Variants in BICC1 observed in about 807,000 individuals in gnomAD.
The protein encoded by BICC1 is BicC family RNA binding protein 1.
A neutral mutation model predicts 111.0 loss-of-function variants in BICC1; 43 were observed. That is an observed-to-expected ratio of 0.39 (90% CI 0.30 to 0.50). The LOEUF (loss-of-function observed/expected upper bound fraction) is 0.50. Ranked by LOEUF, BICC1 falls within the 20% of genes least tolerant of loss-of-function variation. The pLI is 0.88. For synonymous variants in BICC1, 467 were observed against 434.4 expected, an observed-to-expected ratio of 1.07 and a Z score of -0.93; for missense variants, 1,091 against 1,203.2, an observed-to-expected ratio of 0.91 and a Z score of 1.38.
At chr10:58,631,736 C>G (rs915986320) in intron 2 of BICC1, among the ~76,000 whole-genome samples, 2 of 152,140 alleles carry the variant, frequency 1.3e-5, no homozygotes, top group African/African-American at 2.4e-5. Flanking sequence ...GAGTTCATCA[C>G]TAATTTTATG....
intron 3 of BICC1, among the ~76,000 whole-genome samples, chr10:58,763,116 A>G (rs1473638127): frequency 6.6e-6 from 1 of 152,206 alleles, no homozygotes; most frequent in Non-Finnish European, 1.5e-5. Context: ...TAATTCTCAG[A>G]TGTAGTTCTG....
At chr10:58,605,904 A>G (rs1215627439) in intron 1 of BICC1, among the ~76,000 whole-genome samples, 1 of 152,034 alleles carries the variant, frequency 6.6e-6, no homozygotes, top group East Asian at 1.9e-4. Context: ...TTTTTGTCAG[A>G]ATTTTGTTTT....
intron 19 of BICC1, among the ~76,000 whole-genome samples, chr10:58,819,873 G>T (rs1844204575): frequency 6.6e-6 from 1 of 152,096 alleles, no homozygotes; most frequent in Non-Finnish European, 1.5e-5. Context: ...TACTTCTTTT[G>T]TGTCCCTTTC....
At chr10:58,665,425 G>T (rs1838977866) in intron 2 of BICC1, among the ~76,000 whole-genome samples, 1 of 151,980 alleles carries the variant, frequency 6.6e-6, no homozygotes, top group Non-Finnish European at 1.5e-5. Flanking sequence ...ATCTTTGGTG[G>T]TTTGATTGTA....
intron 2 of BICC1, among the ~76,000 whole-genome samples, chr10:58,683,619 G>A (rs534391091): frequency 1.3e-5 from 2 of 152,198 alleles, no homozygotes; most frequent in African/African-American, 2.4e-5. Context: ...TGGATTCCTA[G>A]GTATTTTATT....
chr10:58,514,415 AC>A (rs1842185987), intron 1 of BICC1, among the ~76,000 whole-genome samples: 1 of 152,184 alleles, frequency 6.6e-6, no homozygotes, highest in African/African-American at 2.4e-5. Context: ...TGCATAACTT[AC>A]TTTGACTTTA....
At chr10:58,772,519 G>C (rs1337421755) in intron 3 of BICC1, among the ~76,000 whole-genome samples, 1 of 152,130 alleles carries the variant, frequency 6.6e-6, no homozygotes, top group Non-Finnish European at 1.5e-5. Flanking sequence ...ATAAATACCA[G>C]CTTGTAGTAA....
intron 3 of BICC1, among the ~76,000 whole-genome samples, chr10:58,717,864 A>G (rs1452910696): frequency 6.6e-6 from 1 of 152,214 alleles, no homozygotes; most frequent in Non-Finnish European, 1.5e-5. Context: ...GATTCTGGAA[A>G]GAGAAACAAT....
intron 2 of BICC1, among the ~76,000 whole-genome samples, chr10:58,669,219 A>G (rs1839108059): frequency 1.3e-5 from 2 of 152,026 alleles, no homozygotes; most frequent in Non-Finnish European, 2.9e-5. Flanking sequence ...AAATGCTCCA[A>G]TGAGCATTTC....
rs548302009 is a variant in BICC1, at chr10:58,609,106, C to G, written c.191-11749C>G. Reference sequence around the variant, plus strand: ...ATACAAAAGAAATATAAACTTCATTCCATTAAATAACCATCCACATAAACT... The same window carrying G: ...ATACAAAAGAAATATAAACTTCATTGCATTAAATAACCATCCACATAAACT... On this transcript the variant is annotated intron_variant, in intron 1 of 20. Coordinates refer to ENST00000373886, the MANE Select transcript of BICC1 (RefSeq NM_001080512.3). Among the ~76,000 whole-genome samples the G allele has an allele frequency of 5.9e-5, 9 of 152,316 alleles. No homozygotes were observed. The South Asian group carries it at 1.9e-3, about 32-fold the overall frequency.
At chr10:58,560,620 C>G (rs541543461) in intron 1 of BICC1, among the ~76,000 whole-genome samples, 13 of 148,964 alleles carry the variant, frequency 8.7e-5, no homozygotes, top group African/African-American at 3.0e-4. Flanking sequence ...GAAAGATTTG[C>G]TTTTGCTTTT....
chr10:58,767,859 G>A (rs770761996), intron 3 of BICC1, among the ~76,000 whole-genome samples: 1 of 151,798 alleles, frequency 6.6e-6, no homozygotes, highest in African/African-American at 2.4e-5. Context: ...CAGCAGATTC[G>A]ATCAAGCAGA....
At chr10:58,601,915 T>C (rs1430850507) in intron 1 of BICC1, among the ~76,000 whole-genome samples, 1 of 152,092 alleles carries the variant, frequency 6.6e-6, no homozygotes, top group Non-Finnish European at 1.5e-5. Context: ...TTAGCAAAAT[T>C]AGAAAGATAT....
intron 1 of BICC1, among the ~76,000 whole-genome samples, chr10:58,544,953 T>C (rs956452649): frequency 6.6e-6 from 1 of 152,072 alleles, no homozygotes; most frequent in African/African-American, 2.4e-5. Flanking sequence ...AGGAAGACAG[T>C]GTGAAGAGAC....
chr10:58,577,987 T>C (rs1008772747), intron 1 of BICC1, among the ~76,000 whole-genome samples: 3 of 152,200 alleles, frequency 2.0e-5, no homozygotes, highest in African/African-American at 7.2e-5. Context: ...TATTCCTCAA[T>C]GGAAGGCTGA....
At chr10:58,616,132 A>C (rs1845596444) in intron 1 of BICC1, among the ~76,000 whole-genome samples, 2 of 152,150 alleles carry the variant, frequency 1.3e-5, no homozygotes, top group South Asian at 4.1e-4. Context: ...AAAAGGAATT[A>C]GAGGCTGCTG....
At chr10:58,740,065 T>C (rs140082823) in intron 3 of BICC1, among the ~76,000 whole-genome samples, 1 of 152,188 alleles carries the variant, frequency 6.6e-6, no homozygotes, top group South Asian at 2.1e-4. Flanking sequence ...ATCTTTTTGA[T>C]CAGTTTCCTT....
intron 8 of BICC1, among the ~76,000 whole-genome samples, chr10:58,792,390 T>G (rs1225396863): frequency 6.6e-6 from 1 of 152,010 alleles, no homozygotes. Flanking sequence ...TTTTGATGAG[T>G]TAAGGCAGGG....
chr10:58,663,028 T>G lies in BICC1; in HGVS notation c.238-39046T>G, dbSNP rs142237431. ...GATGTCATTTTTATTTGTAGTTGGC[T>G]TTGAACATCCAATTTTTTTCTTTTT... On this transcript the variant is annotated intron_variant, in intron 2 of 20. Transcript: ENST00000373886. 3.3e-3 allele frequency among the ~76,000 whole-genome samples: 503 copies of G among 152,010 alleles called. 3 individuals are homozygous for G. The highest frequency in any genetic ancestry group is 0.011 in the African/African-American group (471 of 41,500).
Sources: gnomAD v4.1 joint callset for allele counts (sites outside exome capture counted in the v4.1 genomes callset) on GRCh38, gnomAD v4.1.1 for gene constraint, MANE v1.5 for transcripts, NCBI Gene and HGNC (gene_info 2026-07-23, HGNC 2026-07-21) for gene names.